CAP2: variants seen among roughly 807,000 people sequenced by gnomAD.
CAP2 encodes the protein cyclase associated actin cytoskeleton regulatory protein 2, also known as adenylyl cyclase-associated protein 2.
Under a neutral mutation model 57.7 loss-of-function variants are expected in CAP2, and 24 were observed. The ratio of observed to expected loss-of-function variants is 0.42; its 90% CI spans 0.30 to 0.58. The LOEUF (loss-of-function observed/expected upper bound fraction) is 0.58, where lower values mean the gene tolerates loss of function less well. Among genes scored for constraint, CAP2 ranks in the 20% least tolerant of loss-of-function variants. The pLI, the probability that CAP2 is intolerant of heterozygous loss-of-function variation, is 0.22. For synonymous variants in CAP2, 194 were observed against 207.2 expected (o/e 0.94, Z 0.55); for missense variants, 501 against 590.3 (o/e 0.85, Z 1.57).
At chr6:17,424,902 A>G (rs756685333) in intron 2 of CAP2, among the ~76,000 whole-genome samples, 9 of 152,228 alleles carry the variant, frequency 5.9e-5, no homozygotes, top group Non-Finnish European at 1.2e-4. Flanking sequence ...CCTCTTCCAT[A>G]GCAACAAACA....
chr6:17,543,160 CA>C lies in CAP2; in HGVS notation c.1209+19del. The stretch of plus-strand genomic sequence containing the variant: ...CAAATCCAGGTAAGCAGAGCCTTTC[CA>C]ACCATGCTGTAATAAGCAGAGCCTT... On this transcript the variant is annotated intron_variant, in intron 11 of 12. Transcript: ENST00000229922. 4 of 1,598,846 alleles carry C rather than the reference CA, an allele frequency of 2.5e-6. No individual in the cohort carries two copies. Among genetic ancestry groups the C allele is most frequent in the Non-Finnish European group, 3.4e-6 (4 of 1,166,228 alleles).
At chr6:17,514,017 G>T in intron 7 of CAP2, 63 bp downstream of exon 7, 1 of 996,502 alleles carries the variant, frequency 1.0e-6, no homozygotes, top group Non-Finnish European at 1.6e-6. Flanking sequence ...ACACCCTGTG[G>T]CCCAGTAATC....
At chr6:17,503,156 G>C (rs1761873026) in intron 4 of CAP2, among the ~76,000 whole-genome samples, 1 of 152,146 alleles carries the variant, frequency 6.6e-6, no homozygotes, top group Non-Finnish European at 1.5e-5. Flanking sequence ...TGGTTTGCTA[G>C]GGCTGCCCTA....
At chr6:17,447,244 T>C (rs1457949706) in intron 3 of CAP2, among the ~76,000 whole-genome samples, 1 of 151,240 alleles carries the variant, frequency 6.6e-6, no homozygotes, top group Non-Finnish European at 1.5e-5. Context: ...GGTATTGAAC[T>C]CCTGGTCTCA....
At chr6:17,526,956 C>CAAAAAAAAAA (rs1221212193) in intron 7 of CAP2, among the ~76,000 whole-genome samples, 9 of 80,062 alleles carry the variant, frequency 1.1e-4, no homozygotes, top group Admixed American at 1.7e-4. Context: ...GACTCTGTCT[C>CAAAAAAAAAA]AAAAAAAAAA....
intron 3 of CAP2, among the ~76,000 whole-genome samples, chr6:17,449,654 C>T (rs1004200671): frequency 6.6e-6 from 1 of 152,074 alleles, no homozygotes; most frequent in Non-Finnish European, 1.5e-5. Context: ...GGTGATCCAC[C>T]CACCTCGGCC....
rs1199266650 is a variant in CAP2 at position 17,421,581 on chromosome 6, A to T, written c.26A>T (p.Glu9Val). The T allele has an allele frequency of 2.9e-5, 46 of 1,614,030 alleles. No homozygotes were observed. Among genetic ancestry groups the T allele is most frequent in the Non-Finnish European group, 3.8e-5 (45 of 1,180,020 alleles). MANMQGLVERLERAVSRLE... is the reference protein window; with the variant it reads MANMQGLVVRLERAVSRLE... ...ATGGCCAACATGCAGGGACTGGTGG[A>T]AAGACTGGAACGAGCTGTCAGCCGC... Residue 9 changes from glutamate (E) to valine (V), a missense_variant, in exon 2 of 13, where the codon GAA becomes GTA. Glu to Val is a moderately radical substitution (Grantham distance 121). Coordinates refer to ENST00000229922, the MANE Select transcript of CAP2 (RefSeq NM_006366.3).
chr6:17,420,556 A>C (rs986806872), intron 1 of CAP2, among the ~76,000 whole-genome samples: 3 of 152,214 alleles, frequency 2.0e-5, no homozygotes, highest in Non-Finnish European at 2.9e-5. Context: ...GATTATCGGT[A>C]GGTTTAGTCT....
intron 4 of CAP2, among the ~76,000 whole-genome samples, chr6:17,486,024 A>G (rs769143404): frequency 1.4e-4 from 22 of 152,178 alleles, no homozygotes; most frequent in Non-Finnish European, 2.6e-4. Flanking sequence ...CACCTATAAT[A>G]TATTTGTGGC....
chr6:17,398,525 A>G (rs983940842), intron 1 of CAP2, among the ~76,000 whole-genome samples: 19 of 145,860 alleles, frequency 1.3e-4, no homozygotes, highest in Non-Finnish European at 2.7e-4. Flanking sequence ...TTACGATTTT[A>G]AACTTTTTTT....
Position 17,507,260 on chromosome 6 carries a change from A to G in CAP2, c.392A>G (p.Asn131Ser). The G allele has an allele frequency of 1.2e-6, 2 of 1,614,198 alleles. No individual in the cohort carries two copies. The highest frequency in any genetic ancestry group is 1.7e-6 in the Non-Finnish European group (2 of 1,180,012). The change falls in exon 5 of 13, where the codon AAT (asparagine) becomes AGT (serine). Residue 131 changes from asparagine (N) to serine (S), a missense_variant. Asn to Ser is a conservative substitution (Grantham distance 46). Coordinates refer to ENST00000229922, the MANE Select transcript of CAP2 (RefSeq NM_006366.3). ...RERNRGSNMFNHLSAVSESIP... is the reference protein window; with the variant it reads ...RERNRGSNMFSHLSAVSESIP... ...AGAAACCGGGGGAGTAACATGTTTA[A>G]TCATCTTTCGGCCGTCAGCGAAAGC...
intron 3 of CAP2, among the ~76,000 whole-genome samples, chr6:17,437,456 C>G (rs982988419): frequency 2.6e-5 from 4 of 152,204 alleles, no homozygotes; most frequent in Non-Finnish European, 4.4e-5. Context: ...GTCTGTTTCC[C>G]CAAACTCACC....
intron 1 of CAP2, among the ~76,000 whole-genome samples, chr6:17,402,442 T>A (rs1438324497): frequency 1.3e-5 from 2 of 152,202 alleles, no homozygotes; most frequent in Non-Finnish European, 2.9e-5. Flanking sequence ...GAGACCCTTT[T>A]GCAAATCATG....
intron 3 of CAP2, among the ~76,000 whole-genome samples, chr6:17,448,587 A>C (rs1192963740): frequency 6.6e-6 from 1 of 152,314 alleles, no homozygotes; most frequent in Non-Finnish European, 1.5e-5. Flanking sequence ...TTTAAAATAT[A>C]AATTGCAATA....
intron 1 of CAP2, among the ~76,000 whole-genome samples, chr6:17,401,220 C>T (rs944408973): frequency 3.9e-5 from 6 of 152,156 alleles, no homozygotes; most frequent in Non-Finnish European, 7.3e-5. Context: ...TGGATTAGTG[C>T]CCTTATGAAA....
At chr6:17,487,929 C>G (rs957583805) in intron 4 of CAP2, among the ~76,000 whole-genome samples, 6 of 151,846 alleles carry the variant, frequency 4.0e-5, no homozygotes, top group Non-Finnish European at 8.8e-5. Flanking sequence ...CAGGTGTGTG[C>G]CACTATGCCT....
intron 7 of CAP2, among the ~76,000 whole-genome samples, chr6:17,522,320 A>C (rs1762411246): frequency 6.6e-6 from 1 of 152,144 alleles, no homozygotes; most frequent in Admixed American, 6.5e-5. Flanking sequence ...TTATTTAGTA[A>C]TTCACTTCCT....
At chr6:17,414,086 A>G (rs1218309829) in intron 1 of CAP2, among the ~76,000 whole-genome samples, 1 of 151,632 alleles carries the variant, frequency 6.6e-6, no homozygotes. Flanking sequence ...ACAATCTAGG[A>G]CAGTCTGATT....
At chr6:17,449,300 A>G (rs1258475995) in intron 3 of CAP2, among the ~76,000 whole-genome samples, 12 of 152,146 alleles carry the variant, frequency 7.9e-5, no homozygotes, top group Admixed American at 7.9e-4. Context: ...ATGGTTATCT[A>G]GTAGTATTTA....
Sources: allele counts gnomAD v4.1 joint callset (sites outside exome capture counted in the v4.1 genomes callset), GRCh38; gene constraint gnomAD v4.1.1; transcripts MANE v1.5; gene names NCBI Gene and HGNC (gene_info 2026-07-23, HGNC 2026-07-21).